The following ASTN2 variants were observed in gnomAD, a reference collection of about 807,000 sequenced individuals.
ASTN2 encodes the protein astrotactin 2.
Under a neutral mutation model 139.8 loss-of-function variants are expected in ASTN2, and 54 were observed. That is an observed-to-expected ratio of 0.39 (90% confidence interval 0.31 to 0.48). The LOEUF (loss-of-function observed/expected upper bound fraction) is 0.48. Ranked by LOEUF, ASTN2 falls within the 20% of genes least tolerant of loss-of-function variation. The pLI is 0.95. For synonymous variants in ASTN2, 756 were observed against 719.5 expected, an observed-to-expected ratio of 1.05 and a Z score of -0.81; for missense variants, 1,565 against 1,725.1, an observed-to-expected ratio of 0.91 and a Z score of 1.64.
At chr9:117,292,045 G>A (rs1386146531) in intron 1 of ASTN2, among the ~76,000 whole-genome samples, 1 of 152,132 alleles carries the variant, frequency 6.6e-6, no homozygotes, top group Non-Finnish European at 1.5e-5. Context: ...GGGTTGCCCT[G>A]AGCGTGTTCC....
intron 20 of ASTN2, among the ~76,000 whole-genome samples, chr9:116,464,515 A>G (rs1848593035): frequency 6.6e-6 from 1 of 152,142 alleles, no homozygotes; most frequent in Non-Finnish European, 1.5e-5. Context: ...AGCATTCAAT[A>G]TGTTGGTTAT....
chr9:116,590,989 G>A (rs1470144288), intron 19 of ASTN2, among the ~76,000 whole-genome samples: 7 of 152,182 alleles, frequency 4.6e-5, no homozygotes, highest in Admixed American at 2.0e-4. Context: ...CCTCTTTGCC[G>A]TGCTCACCCT....
At chr9:117,283,435 C>A (rs546056855) in intron 2 of ASTN2, among the ~76,000 whole-genome samples, 1 of 151,408 alleles carries the variant, frequency 6.6e-6, no homozygotes, top group Non-Finnish European at 1.5e-5. Flanking sequence ...GAAAAAAAAA[C>A]GTGAATGATA....
chr9:116,438,225 C>T (rs1239941532), intron 22 of ASTN2, among the ~76,000 whole-genome samples: 1 of 152,212 alleles, frequency 6.6e-6, no homozygotes, highest in Non-Finnish European at 1.5e-5. Flanking sequence ...GCCTCTAGAG[C>T]CTCACTGCCG....
intron 11 of ASTN2, among the ~76,000 whole-genome samples, chr9:116,839,567 C>T (rs1285069484): frequency 6.6e-6 from 1 of 152,036 alleles, no homozygotes; most frequent in South Asian, 2.1e-4. Flanking sequence ...GCAACCTCTG[C>T]CTCCCAGGTT....
chr9:117,181,774 A>G (rs1464391238), intron 3 of ASTN2, among the ~76,000 whole-genome samples: 1 of 152,220 alleles, frequency 6.6e-6, no homozygotes, highest in Non-Finnish European at 1.5e-5. Flanking sequence ...GGATCTCAAT[A>G]GACAGTAGAT....
At chr9:116,908,864 T>G (rs1350588856) in intron 10 of ASTN2, among the ~76,000 whole-genome samples, 1 of 152,166 alleles carries the variant, frequency 6.6e-6, no homozygotes, top group African/African-American at 2.4e-5. Flanking sequence ...GAGACCTGGG[T>G]GAAGTGATGG....
At chr9:117,003,303 C>T (rs1047612181) in intron 7 of ASTN2, among the ~76,000 whole-genome samples, 6 of 152,134 alleles carry the variant, frequency 3.9e-5, no homozygotes, top group Non-Finnish European at 7.3e-5. Flanking sequence ...AGCAACAGCT[C>T]CCAGCTTGTT....
intron 16 of ASTN2, among the ~76,000 whole-genome samples, chr9:116,694,158 T>C (rs1282414193): frequency 6.6e-6 from 1 of 152,166 alleles, no homozygotes; most frequent in Non-Finnish European, 1.5e-5. Flanking sequence ...AAATTCATTT[T>C]TTTAAACCTG....
chr9:116,499,270 G>A (rs1359808961), intron 19 of ASTN2, among the ~76,000 whole-genome samples: 2 of 152,116 alleles, frequency 1.3e-5, no homozygotes, highest in Admixed American at 6.6e-5. Flanking sequence ...CCAGTGTCTA[G>A]CAGAGTGTGG....
chr9:117,095,488 G>A (rs765133948), intron 5 of ASTN2, among the ~76,000 whole-genome samples: 36 of 152,244 alleles, frequency 2.4e-4, no homozygotes, highest in Non-Finnish European at 4.4e-4. Context: ...AAAGGCACAC[G>A]GTATCTTATT....
chr9:116,862,143 G>C (rs1161954971), intron 11 of ASTN2, among the ~76,000 whole-genome samples: 2 of 152,128 alleles, frequency 1.3e-5, no homozygotes, highest in South Asian at 2.1e-4. Flanking sequence ...AAGCTTCTTC[G>C]TATTGATCTC....
intron 19 of ASTN2, among the ~76,000 whole-genome samples, chr9:116,505,535 G>GT (rs1395838193): frequency 6.6e-6 from 1 of 152,156 alleles, no homozygotes. Context: ...ATCCTCTTGT[G>GT]TAAGACAGGA....
chr9:116,655,441 C>T (rs2131939918), intron 16 of ASTN2, among the ~76,000 whole-genome samples: 1 of 152,322 alleles, frequency 6.6e-6, no homozygotes, highest in South Asian at 2.1e-4. Flanking sequence ...ATCTAGACAA[C>T]ATGCTGCCTC....
chr9:117,287,072 T>C lies in ASTN2; in HGVS notation c.630+4254A>G, dbSNP rs185745992. Among the ~76,000 whole-genome samples the C allele has an allele frequency of 2.0e-3, 309 of 152,276 alleles. 1 individual carries two copies. The highest frequency in any genetic ancestry group is 7.1e-3 in the African/African-American group (294 of 41,546). ...CAACATTACTTATCATATAGAGGCA[T>C]TGGAACAATTAGATGAAATAATAGA... On this transcript the variant is annotated intron_variant, in intron 2 of 22. Transcript: ENST00000313400.
rs183796600 is a variant in ASTN2 at position 116,780,932 on chromosome 9, T to C, written c.2396+24700A>G. Among the ~76,000 whole-genome samples, 660 of 151,774 alleles carry C rather than the reference T, an allele frequency of 4.3e-3. 6 individuals carry two copies. Among genetic ancestry groups the C allele is most frequent in the African/African-American group, 0.014 (592 of 41,404 alleles). On this transcript the variant is annotated intron_variant, in intron 13 of 22. Coordinates refer to ENST00000313400, the MANE Select transcript of ASTN2 (RefSeq NM_001365068.1). ...TTGGCTCACTGCAACTTCCGCCTCC[T>C]GGGTTCAAGTGATTCTCCTGCCTCA...
intron 10 of ASTN2, among the ~76,000 whole-genome samples, chr9:116,960,174 G>A (rs1373882983): frequency 1.3e-5 from 2 of 152,136 alleles, no homozygotes; most frequent in Admixed American, 6.5e-5. Context: ...GCTCCTCCGA[G>A]CCCTGCAGCT....
chr9:117,368,703 G>T (rs888100716), intron 1 of ASTN2, among the ~76,000 whole-genome samples: 3 of 152,088 alleles, frequency 2.0e-5, no homozygotes, highest in African/African-American at 7.2e-5. Context: ...AATAACAATT[G>T]TCATGTGCTG....
intron 2 of ASTN2, among the ~76,000 whole-genome samples, chr9:117,259,864 G>A (rs943417657): frequency 3.9e-5 from 6 of 152,168 alleles, no homozygotes; most frequent in African/African-American, 1.4e-4. Flanking sequence ...TAAATTGATT[G>A]AGACCTGTCT....
Sources: allele counts gnomAD v4.1 joint callset (sites outside exome capture counted in the v4.1 genomes callset), GRCh38; gene constraint gnomAD v4.1.1; transcripts MANE v1.5; gene names NCBI Gene and HGNC (gene_info 2026-07-23, HGNC 2026-07-21).